Variants in AGPS observed in about 807,000 individuals in gnomAD.
The protein encoded by AGPS is alkyldihydroxyacetonephosphate synthase, peroxisomal.
Under a neutral mutation model 90.7 loss-of-function variants are expected in AGPS, and 26 were observed. The observed-to-expected ratio is 0.29, with a 90% CI of 0.21 to 0.40. The LOEUF (loss-of-function observed/expected upper bound fraction) is 0.40. Ranked by LOEUF, AGPS falls within the 10% of genes least tolerant of loss-of-function variation. The probability of loss-of-function intolerance (pLI) is 1.00; values close to 1 mark genes in which losing one functional copy is unlikely to be tolerated. For synonymous variants in AGPS, 294 were observed against 285.3 expected, an observed-to-expected ratio of 1.03 and a Z score of -0.31; for missense variants, 540 against 816.1, an observed-to-expected ratio of 0.66 and a Z score of 4.12.
At chr2:177,434,996 G>GTTAT (rs1559044446) in intron 3 of AGPS, among the ~76,000 whole-genome samples, 2 of 2,964 alleles carry the variant, frequency 6.7e-4, no homozygotes, top group Non-Finnish European at 2.0e-3. Flanking sequence ...TTAAACTGTA[G>GTTAT]GTATATATAT....
At chr2:177,462,864 A>G (rs1687342167) in intron 9 of AGPS, among the ~76,000 whole-genome samples, 1 of 152,156 alleles carries the variant, frequency 6.6e-6, no homozygotes, top group Non-Finnish European at 1.5e-5. Context: ...GTATCCTCGA[A>G]GGTCCTAGAA....
At position 177,418,295 on chromosome 2, in the gene AGPS, A is replaced by G. The variant is rs143526016; in HGVS notation, c.261-1974A>G. Among the ~76,000 whole-genome samples the G allele has an allele frequency of 3.9e-3, 592 of 152,250 alleles. 3 individuals are homozygous for G. Among genetic ancestry groups the G allele is most frequent in the Middle Eastern group, 6.8e-3 (2 of 294 alleles). ...TGTATAACAGCAGATCTTTCCTGCT[A>G]TCTTGATTCATTTCCTCATGAAGTG... On this transcript the variant is annotated intron_variant, in intron 1 of 19. Coordinates refer to ENST00000264167, the MANE Select transcript of AGPS (RefSeq NM_003659.4).
chr2:177,470,632 A>G (rs1276042668), intron 10 of AGPS, among the ~76,000 whole-genome samples: 16 of 147,810 alleles, frequency 1.1e-4, no homozygotes, highest in African/African-American at 4.0e-4. Flanking sequence ...TGAACCCGGG[A>G]GGCAGAGATT....
intron 2 of AGPS, among the ~76,000 whole-genome samples, chr2:177,423,381 G>C (rs1685988709): frequency 6.6e-6 from 1 of 152,158 alleles, no homozygotes; most frequent in Non-Finnish European, 1.5e-5. Flanking sequence ...ATATTAGATG[G>C]TAAGGACAAT....
intron 1 of AGPS, among the ~76,000 whole-genome samples, chr2:177,416,332 A>G (rs1010570004): frequency 2.0e-5 from 3 of 152,224 alleles, no homozygotes; most frequent in African/African-American, 7.2e-5. Flanking sequence ...CATCATGTAC[A>G]TATCATGGGA....
intron 19 of AGPS, among the ~76,000 whole-genome samples, chr2:177,533,347 A>G (rs1489109152): frequency 2.6e-5 from 4 of 152,130 alleles, no homozygotes; most frequent in East Asian, 1.9e-4. Flanking sequence ...TGACAGAAAA[A>G]TCTGTAGCAA....
chr2:177,467,736 C>T (rs963836300), intron 9 of AGPS, among the ~76,000 whole-genome samples: 13 of 152,042 alleles, frequency 8.6e-5, no homozygotes, highest in African/African-American at 2.4e-4. Context: ...TGTTATTTAT[C>T]GGTCCAAAAT....
At chr2:177,414,805 T>G (rs1419552790) in intron 1 of AGPS, among the ~76,000 whole-genome samples, 1 of 152,030 alleles carries the variant, frequency 6.6e-6, no homozygotes, top group African/African-American at 2.4e-5. Flanking sequence ...AACATACATT[T>G]TTAATGTATG....
At position 177,392,972 on chromosome 2, in the gene AGPS, G is replaced by T. The variant is rs771230948; in HGVS notation, c.183G>T (p.Arg61=). The T allele has an allele frequency of 3.9e-6, 6 of 1,550,020 alleles. No homozygotes were observed. In the South Asian group the frequency reaches 7.1e-5, roughly 18 times the overall value. ...TGAGTACCAATGAGTGCAAAGCGCG[G>T]AGAGCCGCGTCGGCGGCCACGGCAG... is the stretch of plus-strand genomic sequence containing the variant. ...EALSTNECKA[R]RAASAATAAP... Residue 61 remains arginine (R), a synonymous_variant, in exon 1 of 20, where the codon CGG becomes CGT. Coordinates refer to ENST00000264167, the MANE Select transcript of AGPS (RefSeq NM_003659.4).
chr2:177,424,158 T>C (rs1686013208), intron 2 of AGPS, among the ~76,000 whole-genome samples: 1 of 152,116 alleles, frequency 6.6e-6, no homozygotes. Flanking sequence ...TTCCCCTCCT[T>C]GTGTTCATGT....
chr2:177,402,767 C>G (rs118042787), intron 1 of AGPS, among the ~76,000 whole-genome samples: 2 of 152,184 alleles, frequency 1.3e-5, no homozygotes, highest in African/African-American at 4.8e-5. Context: ...TTTGAAACTT[C>G]GTCTACTGGC....
intron 5 of AGPS, among the ~76,000 whole-genome samples, chr2:177,437,906 T>A (rs550089807): frequency 1.3e-4 from 20 of 152,332 alleles, no homozygotes; most frequent in Middle Eastern, 3.4e-3. Flanking sequence ...AGAGCATATG[T>A]AGCAGAGATG....
chr2:177,468,427 A>G lies in AGPS; in HGVS notation c.1008A>G (p.Ile336Met). Residue 336 changes from isoleucine (I) to methionine (M), a missense_variant, in exon 10 of 20, where the codon ATA becomes ATG. Coordinates refer to ENST00000264167, the MANE Select transcript of AGPS (RefSeq NM_003659.4). ...YGNIEDLVVH[I>M]KMVTPRGIIE... ...ATTGTATTAAACAGGTGGTTCATAT[A>G]AAAATGGTAACACCTAGAGGTATAA... 1.2e-6 allele frequency: 2 copies of G among 1,606,724 alleles called. No homozygotes were observed. The highest frequency in any genetic ancestry group is 1.7e-6 in the Non-Finnish European group (2 of 1,174,436).
intron 12 of AGPS, among the ~76,000 whole-genome samples, chr2:177,494,122 A>G (rs760551645): frequency 6.6e-6 from 1 of 152,196 alleles, no homozygotes; most frequent in East Asian, 1.9e-4. Flanking sequence ...CCTCAAAACA[A>G]TTCCTAAAAT....
chr2:177,462,723 A>G (rs1687335646), intron 9 of AGPS, among the ~76,000 whole-genome samples: 1 of 152,202 alleles, frequency 6.6e-6, no homozygotes, highest in African/African-American at 2.4e-5. Flanking sequence ...TAGAACAACA[A>G]TTTACATAGT....
intron 1 of AGPS, among the ~76,000 whole-genome samples, chr2:177,411,690 A>G (rs901045814): frequency 8.5e-5 from 13 of 152,178 alleles, no homozygotes; most frequent in Non-Finnish European, 1.5e-4. Flanking sequence ...TAAAACATCA[A>G]TATAGCCATC....
rs750494824 is a variant in AGPS at position 177,445,535 on chromosome 2, C to T, written c.790-11C>T. Reference sequence around the variant, plus strand: ...TCCTGGAGATCAGATTTCTTTCTTCCTTTGCAACAGAATCGAATTCTCTGG... The same window carrying T: ...TCCTGGAGATCAGATTTCTTTCTTCTTTTGCAACAGAATCGAATTCTCTGG... On this transcript the variant is annotated splice_polypyrimidine_tract_variant and intron_variant, in intron 7 of 19. Transcript: ENST00000264167. 1 of 1,610,230 alleles carries T rather than the reference C, an allele frequency of 6.2e-7. No individual in the cohort carries two copies. The highest frequency in any genetic ancestry group is 1.1e-5 in the South Asian group (1 of 90,998).
intron 7 of AGPS, among the ~76,000 whole-genome samples, chr2:177,443,746 G>A (rs1260052936): frequency 1.3e-5 from 2 of 152,124 alleles, no homozygotes; most frequent in South Asian, 2.1e-4. Context: ...TTAAGAAAAG[G>A]CAATTTATTT....
intron 16 of AGPS, 119 bp from the exon 17 acceptor site, chr2:177,513,700 A>G (rs889824645): frequency 1.2e-5 from 9 of 741,522 alleles, no homozygotes; most frequent in African/African-American, 3.5e-5. Context: ...AAGGACAACT[A>G]TGAAAGCTTT....
Sources: allele counts gnomAD v4.1 joint callset (sites outside exome capture counted in the v4.1 genomes callset), GRCh38; gene constraint gnomAD v4.1.1; transcripts MANE v1.5; gene names NCBI Gene and HGNC (gene_info 2026-07-23, HGNC 2026-07-21).